Variants in CLSTN2 observed in about 807,000 individuals in gnomAD.
The protein encoded by CLSTN2 is calsyntenin 2.
Under a neutral mutation model 101.2 loss-of-function variants are expected in CLSTN2, and 48 were observed. The observed-to-expected ratio is 0.47, with a 90% CI of 0.38 to 0.60. The LOEUF (loss-of-function observed/expected upper bound fraction) is 0.60, where lower values mean the gene tolerates loss of function less well. CLSTN2 is among the 20% of genes least tolerant of loss of function. The pLI, the probability that CLSTN2 is intolerant of heterozygous loss-of-function variation, is 0.00. For missense variants in CLSTN2, 1,160 were observed against 1,238.2 expected (o/e 0.94, Z 0.95); for synonymous variants, 481 against 463.6 (o/e 1.04, Z -0.48).
chr3:140,326,006 G>A (rs1307948193), intron 2 of CLSTN2, among the ~76,000 whole-genome samples: 1 of 152,180 alleles, frequency 6.6e-6, no homozygotes, highest in Non-Finnish European at 1.5e-5. Context: ...TGGGGAACAA[G>A]AATTTCAAAC....
chr3:140,106,349 G>C (rs1010524473), intron 1 of CLSTN2, among the ~76,000 whole-genome samples: 5 of 152,142 alleles, frequency 3.3e-5, no homozygotes, highest in Non-Finnish European at 7.3e-5. Context: ...ATCAAGAAAG[G>C]CTTCTTCCCA....
At chr3:140,130,141 G>A (rs1157811197) in intron 1 of CLSTN2, among the ~76,000 whole-genome samples, 1 of 152,148 alleles carries the variant, frequency 6.6e-6, no homozygotes, top group Non-Finnish European at 1.5e-5. Context: ...GGAGGGCTGG[G>A]GGCAGAGTGG....
chr3:140,062,048 G>T (rs1025237907), intron 1 of CLSTN2, among the ~76,000 whole-genome samples: 1 of 152,174 alleles, frequency 6.6e-6, no homozygotes, highest in Non-Finnish European at 1.5e-5. Context: ...AATATTAATA[G>T]TGGTAGTGGT....
At chr3:140,026,269 A>G (rs867092439) in intron 1 of CLSTN2, among the ~76,000 whole-genome samples, 4 of 152,196 alleles carry the variant, frequency 2.6e-5, no homozygotes, top group Non-Finnish European at 4.4e-5. Context: ...GTTGGGGGGA[A>G]AGTGCCGAGA....
At chr3:139,968,118 G>T (rs1027332379) in intron 1 of CLSTN2, among the ~76,000 whole-genome samples, 2 of 152,178 alleles carry the variant, frequency 1.3e-5, no homozygotes, top group African/African-American at 4.8e-5. Flanking sequence ...CTTTTGGACG[G>T]CCTATATACC....
intron 1 of CLSTN2, among the ~76,000 whole-genome samples, chr3:140,165,350 C>T (rs2010118380): frequency 6.6e-6 from 1 of 152,160 alleles, no homozygotes; most frequent in Non-Finnish European, 1.5e-5. Context: ...AACGTGTGCT[C>T]ACTTTGTTTA....
chr3:140,518,424 C>T (rs1436728826), intron 8 of CLSTN2, among the ~76,000 whole-genome samples: 1 of 152,146 alleles, frequency 6.6e-6, no homozygotes, highest in East Asian at 1.9e-4. Context: ...CCAAGAACCC[C>T]TGTGAGACAA....
intron 8 of CLSTN2, among the ~76,000 whole-genome samples, chr3:140,482,534 T>C (rs1037046399): frequency 6.6e-6 from 1 of 152,204 alleles, no homozygotes; most frequent in Non-Finnish European, 1.5e-5. Flanking sequence ...CTCCTCCTTG[T>C]ACCTCTGGTA....
chr3:140,528,888 T>A (rs569462503), intron 8 of CLSTN2, among the ~76,000 whole-genome samples: 2 of 152,316 alleles, frequency 1.3e-5, no homozygotes, highest in Admixed American at 6.5e-5. Context: ...CTCCATTAGA[T>A]TGAAAATCTT....
intron 1 of CLSTN2, among the ~76,000 whole-genome samples, chr3:139,996,446 G>A (rs1021271221): frequency 2.0e-5 from 3 of 152,124 alleles, no homozygotes; most frequent in African/African-American, 7.2e-5. Context: ...CTGGAGTACA[G>A]TGGCGCGATC....
intron 8 of CLSTN2, among the ~76,000 whole-genome samples, chr3:140,523,509 T>A (rs1383502525): frequency 2.0e-5 from 3 of 152,170 alleles, no homozygotes; most frequent in Non-Finnish European, 4.4e-5. Flanking sequence ...ATATCCAGCA[T>A]CTCAATTTAT....
Position 140,224,301 on chromosome 3 carries a change from G to A in CLSTN2, c.232+48228G>A, listed in dbSNP as rs1576473336. 2.0e-5 allele frequency among the ~76,000 whole-genome samples: 3 copies of A among 152,182 alleles called. 1 individual carries two copies. The East Asian group carries it at 5.8e-4, about 29-fold the overall frequency. On this transcript the variant is annotated intron_variant, in intron 2 of 16. Transcript: ENST00000458420. Reference sequence around the variant, plus strand: ...ACAGTAACGATAGAACTCAGTTCTTGGGATCATTTTGAAAGTCAAACAAGA... The same window carrying A: ...ACAGTAACGATAGAACTCAGTTCTTAGGATCATTTTGAAAGTCAAACAAGA...
intron 8 of CLSTN2, among the ~76,000 whole-genome samples, chr3:140,477,468 A>T (rs1479499973): frequency 6.6e-6 from 1 of 152,216 alleles, no homozygotes; most frequent in Non-Finnish European, 1.5e-5. Context: ...AACGTTAACC[A>T]GAAACATATT....
intron 1 of CLSTN2, among the ~76,000 whole-genome samples, chr3:140,172,832 A>C (rs1000863274): frequency 2.0e-5 from 3 of 152,298 alleles, no homozygotes; most frequent in African/African-American, 7.2e-5. Context: ...CACTACCACA[A>C]GAATAGTATG....
intron 7 of CLSTN2, among the ~76,000 whole-genome samples, chr3:140,461,551 AACACAGATGATT>A (rs1255511800): frequency 5.3e-5 from 8 of 152,196 alleles, no homozygotes; most frequent in Admixed American, 5.2e-4. Context: ...GGCCCAGGAT[AACACAGATGATT>A]ACCAAGAAAG....
At chr3:140,385,054 T>A (rs1468572317) in intron 2 of CLSTN2, among the ~76,000 whole-genome samples, 2 of 152,206 alleles carry the variant, frequency 1.3e-5, no homozygotes, top group African/African-American at 2.4e-5. Flanking sequence ...AGTTGCTCTG[T>A]GCCTCTTTTG....
At chr3:140,533,887 C>T (rs1392827117) in intron 9 of CLSTN2, among the ~76,000 whole-genome samples, 1 of 152,062 alleles carries the variant, frequency 6.6e-6, no homozygotes, top group East Asian at 1.9e-4. Context: ...GATTCAAAAC[C>T]CAGGAAGGAG....
In CLSTN2 at chr3:140,570,758, T is replaced by C. The variant is rs1985512133; in HGVS notation, c.*4505T>C. 1 of 152,182 alleles carries C rather than the reference T, an allele frequency of 6.6e-6. No individual in the cohort carries two copies. Among genetic ancestry groups the C allele is most frequent in the Non-Finnish European group, 1.5e-5 (1 of 68,024 alleles). 9.4% of individuals were successfully genotyped at this position (152,182 alleles called of 1,614,324 possible). A position where few individuals can be genotyped will look rare whatever the true frequency, so the allele number is the denominator to read the frequency against. On this transcript the variant is annotated 3_prime_UTR_variant, in exon 17 of 17. Coordinates refer to ENST00000458420, the MANE Select transcript of CLSTN2 (RefSeq NM_022131.3). Reference sequence around the variant, plus strand: ...AAAACCTTCCTCAGCCCACAGGCCATACGAAAATTAGCAGCCAGCTAGATT... The same window carrying C: ...AAAACCTTCCTCAGCCCACAGGCCACACGAAAATTAGCAGCCAGCTAGATT...
At chr3:140,096,922 C>A (rs2008878419) in intron 1 of CLSTN2, among the ~76,000 whole-genome samples, 1 of 152,170 alleles carries the variant, frequency 6.6e-6, no homozygotes, top group African/African-American at 2.4e-5. Flanking sequence ...CTTGGTGTAG[C>A]CCGCTGGGTT....
Sources: allele counts gnomAD v4.1 joint callset (sites outside exome capture counted in the v4.1 genomes callset), GRCh38; gene constraint gnomAD v4.1.1; transcripts MANE v1.5; gene names NCBI Gene and HGNC (gene_info 2026-07-23, HGNC 2026-07-21).